Variants in RIMS1 observed in about 807,000 individuals in gnomAD.
RIMS1 encodes the protein regulating synaptic membrane exocytosis 1, also known as regulating synaptic membrane exocytosis protein 1.
In RIMS1, 83 loss-of-function variants were observed where a neutral mutation model predicts 214.1. That is an observed-to-expected ratio of 0.39 (90% CI 0.32 to 0.47). The LOEUF (loss-of-function observed/expected upper bound fraction) is 0.47. Among genes scored for constraint, RIMS1 ranks in the 20% least tolerant of loss-of-function variants. The probability of loss-of-function intolerance (pLI) is 0.99; values close to 1 mark genes in which losing one functional copy is unlikely to be tolerated. For missense variants in RIMS1, 2,050 were observed against 2,161.8 expected (o/e 0.95, Z 1.03); for synonymous variants, 793 against 786.8 (o/e 1.01, Z -0.13).
intron 5 of RIMS1, among the ~76,000 whole-genome samples, chr6:72,180,448 T>C (rs1319317536): frequency 3.3e-5 from 5 of 152,210 alleles, no homozygotes; most frequent in African/African-American, 4.8e-5. Flanking sequence ...TCCTAAAGGA[T>C]AGCTGCTGGC....
chr6:71,922,091 A>T (rs1780180668), intron 1 of RIMS1, among the ~76,000 whole-genome samples: 1 of 152,112 alleles, frequency 6.6e-6, no homozygotes, highest in Non-Finnish European at 1.5e-5. Context: ...TCCACTTCTC[A>T]CATATACATA....
At chr6:71,999,920 G>A (rs1019799748) in intron 2 of RIMS1, among the ~76,000 whole-genome samples, 3 of 152,054 alleles carry the variant, frequency 2.0e-5, no homozygotes, top group African/African-American at 7.2e-5. Context: ...AAGAAGGATA[G>A]TTGAATGTCA....
chr6:71,987,091 T>A (rs931781310), intron 2 of RIMS1, among the ~76,000 whole-genome samples: 2 of 152,098 alleles, frequency 1.3e-5, no homozygotes, highest in African/African-American at 4.8e-5. Flanking sequence ...GTGGTTAGAT[T>A]TTATATATGG....
chr6:72,125,459 G>A (rs1286100993), intron 4 of RIMS1, among the ~76,000 whole-genome samples: 1 of 152,220 alleles, frequency 6.6e-6, no homozygotes, highest in African/African-American at 2.4e-5. Flanking sequence ...ACTTGAGGAG[G>A]CAGTCTGTCT....
intron 6 of RIMS1, among the ~76,000 whole-genome samples, chr6:72,222,195 T>G (rs1318067077): frequency 6.6e-6 from 1 of 152,090 alleles, no homozygotes; most frequent in Admixed American, 6.6e-5. Context: ...AGTTTATCAG[T>G]GCTAATGGTT....
chr6:72,148,459 A>G (rs1172031236), intron 4 of RIMS1, among the ~76,000 whole-genome samples: 14 of 152,136 alleles, frequency 9.2e-5, no homozygotes. Context: ...AGTGCCATCC[A>G]TGGGTGCCAG....
intron 1 of RIMS1, among the ~76,000 whole-genome samples, chr6:71,960,902 A>AT (rs908478621): frequency 1.0e-4 from 15 of 150,190 alleles, no homozygotes; most frequent in African/African-American, 1.7e-4. Flanking sequence ...TGAAAAAAAA[A>AT]TTTTTTTTTT....
chr6:72,144,969 C>T (rs943398350), intron 4 of RIMS1, among the ~76,000 whole-genome samples: 1 of 151,606 alleles, frequency 6.6e-6, no homozygotes, highest in African/African-American at 2.4e-5. Context: ...ACCACAACCT[C>T]TGCCTCCTGT....
intron 1 of RIMS1, among the ~76,000 whole-genome samples, chr6:71,891,190 A>AAAGACC (rs1176211991): frequency 6.6e-6 from 1 of 152,234 alleles, no homozygotes; most frequent in East Asian, 1.9e-4. Flanking sequence ...AGTGTAGTGG[A>AAAGACC]AAGACCATTA....
chr6:72,170,991 G>A (rs2046952161), intron 4 of RIMS1, among the ~76,000 whole-genome samples: 1 of 151,974 alleles, frequency 6.6e-6, no homozygotes, highest in African/African-American at 2.4e-5. Flanking sequence ...TTTTATAAAT[G>A]AGGATACTGA....
intron 2 of RIMS1, among the ~76,000 whole-genome samples, chr6:72,077,174 C>T (rs990467002): frequency 6.6e-6 from 1 of 152,202 alleles, no homozygotes; most frequent in African/African-American, 2.4e-5. Context: ...ACTCCTCACT[C>T]AGGCTTCCCT....
chr6:72,008,976 A>G (rs896106231), intron 2 of RIMS1, among the ~76,000 whole-genome samples: 40 of 152,222 alleles, frequency 2.6e-4, no homozygotes, highest in Non-Finnish European at 4.1e-4. Context: ...AAGCGGGCCT[A>G]AAAGACACCT....
At chr6:72,171,306 T>C (rs987105721) in intron 4 of RIMS1, among the ~76,000 whole-genome samples, 1 of 150,046 alleles carries the variant, frequency 6.7e-6, no homozygotes, top group Non-Finnish European at 1.5e-5. Context: ...TATTTATACC[T>C]AATACATATA....
At position 72,258,113 on chromosome 6, in the gene RIMS1, T is replaced by TACTTTTG. The variant is rs760008174; in HGVS notation, c.2771-11_2771-5dup. On this transcript the variant is annotated splice_polypyrimidine_tract_variant and intron_variant, in intron 16 of 33. Coordinates refer to ENST00000521978, the MANE Select transcript of RIMS1 (RefSeq NM_014989.7). Reference sequence around the variant, plus strand: ...ATACTGACTAAATTTTTTCTGTGTGTACTTTTGCCAGTAGGCTATAGGTCT... The same window carrying TACTTTTG: ...ATACTGACTAAATTTTTTCTGTGTGTACTTTTGACTTTTGCCAGTAGGCTATAGGTCT... 3 of 1,610,226 alleles carry TACTTTTG rather than the reference T, an allele frequency of 1.9e-6. No homozygotes were observed. Among genetic ancestry groups the TACTTTTG allele is most frequent in the Non-Finnish European group, 2.5e-6 (3 of 1,177,866 alleles).
chr6:72,163,344 T>C (rs1010019274), intron 4 of RIMS1, among the ~76,000 whole-genome samples: 2 of 140,736 alleles, frequency 1.4e-5, no homozygotes, highest in African/African-American at 4.9e-5. Context: ...CCTCCTTTAG[T>C]TCAGAGTAGT....
At chr6:72,379,447 A>C (rs1005154113) in intron 29 of RIMS1, among the ~76,000 whole-genome samples, 10 of 152,246 alleles carry the variant, frequency 6.6e-5, no homozygotes, top group Admixed American at 6.5e-4. Context: ...GTGAGAATGA[A>C]TAGATATTGG....
intron 6 of RIMS1, among the ~76,000 whole-genome samples, chr6:72,207,253 A>G (rs907678481): frequency 2.6e-5 from 4 of 152,208 alleles, no homozygotes; most frequent in African/African-American, 9.6e-5. Context: ...TCTCACATAG[A>G]GAGGACAACA....
chr6:72,188,782 C>T (rs1367232068), intron 6 of RIMS1, among the ~76,000 whole-genome samples: 1 of 152,180 alleles, frequency 6.6e-6, no homozygotes, highest in Non-Finnish European at 1.5e-5. Flanking sequence ...AATCACAGGG[C>T]ATGGTAATAC....
intron 29 of RIMS1, among the ~76,000 whole-genome samples, chr6:72,375,384 G>C (rs1490938854): frequency 6.6e-6 from 1 of 151,896 alleles, no homozygotes; most frequent in East Asian, 1.9e-4. Flanking sequence ...TCCTCTAAAA[G>C]CATAAATTAC....
Sources: gnomAD v4.1 joint callset for allele counts (sites outside exome capture counted in the v4.1 genomes callset) on GRCh38, gnomAD v4.1.1 for gene constraint, MANE v1.5 for transcripts, NCBI Gene and HGNC (gene_info 2026-07-23, HGNC 2026-07-21) for gene names.